Variants in BBS5 observed in about 807,000 individuals in gnomAD.
BBS5 encodes Bardet-Biedl syndrome 5, also known as BBSome complex member BBS5.
Under a neutral mutation model 50.2 loss-of-function variants are expected in BBS5, and 39 were observed. The observed-to-expected ratio is 0.78, with a 90% CI of 0.60 to 1.01. BBS5 has a LOEUF of 1.01. Among genes scored for constraint, BBS5 ranks in the 50% least tolerant of loss-of-function variants. BBS5 has a pLI of 0.00. For synonymous variants in BBS5, 134 were observed against 133.1 expected (o/e 1.01, Z -0.05); for missense variants, 356 against 401.5 (o/e 0.89, Z 0.97).
chr2:169,480,252 A>G (rs1051476712), intron 1 of BBS5, among the ~76,000 whole-genome samples: 1 of 152,234 alleles, frequency 6.6e-6, no homozygotes, highest in Non-Finnish European at 1.5e-5. Flanking sequence ...TTAAATAGAA[A>G]CCATGTTTTT....
intron 2 of BBS5, chr2:169,482,697 T>C: frequency 3.8e-6 from 1 of 260,370 alleles, no homozygotes. Flanking sequence ...CATGCTTCCT[T>C]TTCAAAAATT....
chr2:169,482,430 G>A (rs1304383657), intron 2 of BBS5, 97 bp downstream of exon 2: 1 of 866,228 alleles, frequency 1.2e-6, no homozygotes, highest in African/African-American at 1.7e-5. Flanking sequence ...TCATTTGTCA[G>A]TGTAATTGTG....
chr2:169,482,802 G>C (rs1683420787), intron 2 of BBS5: 1 of 165,374 alleles, frequency 6.0e-6, no homozygotes, highest in African/African-American at 2.4e-5. Flanking sequence ...CTATTTGTAG[G>C]TCAAGTACTA....
rs1683891736 is a variant in BBS5 at position 169,505,353 on chromosome 2, G to A, written c.*771G>A. 2.8e-6 allele frequency: 1 copy of A among 361,666 alleles called. No individual in the cohort carries two copies. The highest frequency in any genetic ancestry group is 2.2e-5 in the South Asian group (1 of 45,622). The allele number at this position is 361,666 out of a possible 1,614,324, so 22.4% of individuals were successfully genotyped here. On this transcript the variant is annotated 3_prime_UTR_variant, in exon 12 of 12. Coordinates refer to ENST00000295240, the MANE Select transcript of BBS5 (RefSeq NM_152384.3). ...GCCTTGGCCTCCCGAAGTGCCAAGA[G>A]TGCAGCCTCTGCCCGGCCGCCACCC...
intron 7 of BBS5, among the ~76,000 whole-genome samples, chr2:169,494,192 G>A (rs184590476): frequency 1.1e-4 from 16 of 152,294 alleles, no homozygotes; most frequent in Admixed American, 2.6e-4. Flanking sequence ...GGTATGTGGT[G>A]CTTCCTTGGC....
At chr2:169,504,162 G>A (rs1320253424) in intron 10 of BBS5, 141 bp from the exon 11 acceptor site, 17 of 770,670 alleles carry the variant, frequency 2.2e-5, no homozygotes, top group Non-Finnish European at 3.8e-5. Context: ...TGTAGAGATA[G>A]GTGAAAAAAA....
chr2:169,489,828 T>G (rs1474823577), intron 5 of BBS5, among the ~76,000 whole-genome samples: 2 of 149,694 alleles, frequency 1.3e-5, no homozygotes, highest in South Asian at 2.1e-4. Flanking sequence ...ATTTTTTGTA[T>G]TTTTTGGCTT....
In BBS5 at chr2:169,495,557, T is replaced by G. The variant is rs536076731; in HGVS notation, c.618+1721T>G. Among the ~76,000 whole-genome samples the G allele has an allele frequency of 7.9e-5, 12 of 152,314 alleles. 1 individual carries two copies. The South Asian group carries it at 1.9e-3, about 24-fold the overall frequency. On this transcript the variant is annotated intron_variant, in intron 7 of 11. Transcript: ENST00000295240. ...ACCCTGACCCCACTCCTATAGATAT[T>G]TATATCAGCTTCTTGCCAGTTTCTG...
intron 8 of BBS5, 129 bp downstream of exon 8, chr2:169,497,818 A>G: frequency 1.5e-6 from 1 of 668,000 alleles, no homozygotes. Context: ...GAAGTTATAT[A>G]TGAAGTGTTT....
Position 169,482,303 on chromosome 2 carries a change from G to C in BBS5, c.112G>C (p.Glu38Gln), listed in dbSNP as rs1316295650. 2.5e-6 allele frequency: 4 copies of C among 1,607,640 alleles called. No individual in the cohort carries two copies. The highest frequency in any genetic ancestry group is 3.3e-5 in the Admixed American group (2 of 60,012). The change falls in exon 2 of 12, where the codon GAA becomes CAA. Residue 38 changes from glutamate to glutamine, a missense_variant. Glu to Gln is a conservative substitution (Grantham distance 29, BLOSUM62 2). Transcript: ENST00000295240. ...EVLIDCLDSI[E>Q]DTKGNNGDRG... The stretch of plus-strand genomic sequence containing the variant: ...CCTTATTGATTGTTTAGATTCCATT[G>C]AAGACACCAAAGGAAATAATGGAGA...
chr2:169,501,315 T>C (rs181433431), intron 9 of BBS5, among the ~76,000 whole-genome samples: 1 of 152,342 alleles, frequency 6.6e-6, no homozygotes, highest in East Asian at 1.9e-4. Flanking sequence ...TTTCTAGTTA[T>C]TACTCTTCTT....
At chr2:169,482,511 T>C in intron 2 of BBS5, 178 bp downstream of exon 2, 1 of 587,838 alleles carries the variant, frequency 1.7e-6, no homozygotes, top group East Asian at 3.0e-5. Context: ...GTATTAAACA[T>C]GTAGTTTGGT....
Position 169,482,367 on chromosome 2 carries a change from G to T in BBS5, c.142+34G>T, listed in dbSNP as rs373953619. On this transcript the variant is annotated intron_variant, in intron 2 of 11. Transcript: ENST00000295240. Reference sequence around the variant, plus strand: ...ATTTTTAAATGTATCTTATATTCCTGGTTTAATTTACAAATGTTGAATCAT... The same window carrying T: ...ATTTTTAAATGTATCTTATATTCCTTGTTTAATTTACAAATGTTGAATCAT... 141 of 1,317,018 alleles carry T rather than the reference G, an allele frequency of 1.1e-4. 1 individual carries two copies. Among genetic ancestry groups the T allele is most frequent in the Non-Finnish European group, 2.4e-5 (22 of 909,690 alleles). 81.6% of individuals were successfully genotyped at this position (1,317,018 alleles called of 1,614,324 possible).
intron 8 of BBS5, among the ~76,000 whole-genome samples, chr2:169,498,170 T>C (rs1455671130): frequency 6.6e-6 from 1 of 152,214 alleles, no homozygotes; most frequent in Non-Finnish European, 1.5e-5. Context: ...CACACACAGT[T>C]TGAGGTCTTA....
chr2:169,493,040 G>A, intron 6 of BBS5, 31 bp downstream of exon 6: 4 of 1,611,720 alleles, frequency 2.5e-6, no homozygotes, highest in Non-Finnish European at 3.4e-6. Context: ...GAACCTTTTG[G>A]GACAGTGTTT....
chr2:169,498,822 AAAG>A (rs1683745189), intron 8 of BBS5, among the ~76,000 whole-genome samples: 1 of 140,456 alleles, frequency 7.1e-6, no homozygotes, highest in Admixed American at 7.0e-5. Flanking sequence ...AAAAAAAAAA[AAAG>A]AAAGGAAGGT....
chr2:169,492,819 C>A, intron 5 of BBS5, 55 bp from the exon 6 acceptor site: 2 of 1,515,416 alleles, frequency 1.3e-6, no homozygotes, highest in South Asian at 2.3e-5. Context: ...GTAAACATAA[C>A]CCAAGAAAAT....
chr2:169,493,636 T>G, intron 6 of BBS5, 105 bp from the exon 7 acceptor site: 1 of 796,080 alleles, frequency 1.3e-6, no homozygotes, highest in Non-Finnish European at 2.2e-6. Context: ...TGATACTCAA[T>G]TTTGGTATTA....
intron 9 of BBS5, among the ~76,000 whole-genome samples, chr2:169,501,162 A>C (rs1017158531): frequency 3.3e-5 from 5 of 152,162 alleles, no homozygotes; most frequent in African/African-American, 1.2e-4. Flanking sequence ...TTTTTCTCAA[A>C]AGCAGCAACC....
Sources: allele counts gnomAD v4.1 joint callset (sites outside exome capture counted in the v4.1 genomes callset), GRCh38; gene constraint gnomAD v4.1.1; transcripts MANE v1.5; gene names NCBI Gene and HGNC (gene_info 2026-07-23, HGNC 2026-07-21).